Variants in CALY observed in about 807,000 individuals in gnomAD.
CALY encodes the protein neuron-specific vesicular protein calcyon.
A neutral mutation model predicts 20.2 loss-of-function variants in CALY; 15 were observed. The ratio of observed to expected loss-of-function variants is 0.74; its 90% CI spans 0.50 to 1.14. CALY has a LOEUF of 1.14. CALY is among the 50% of genes most tolerant of loss of function. The pLI, the probability that CALY is intolerant of heterozygous loss-of-function variation, is 0.00. For synonymous variants in CALY, 129 were observed against 131.8 expected (o/e 0.98, Z 0.15); for missense variants, 270 against 304.4 (o/e 0.89, Z 0.84).
intron 3 of CALY, chr10:133,327,533 G>A (rs532565047): frequency 2.5e-4 from 144 of 575,534 alleles, no homozygotes; most frequent in Middle Eastern, 1.3e-3. Context: ...TAAACAAGAG[G>A]ATGAGAGAAG....
intron 1 of CALY, 69 bp downstream of exon 1, chr10:133,336,765 G>GCGCCTCGCACCCC (rs1351411957): frequency 1.3e-5 from 2 of 152,608 alleles, no homozygotes; most frequent in Non-Finnish European, 2.9e-5. Flanking sequence ...ACCCGCACAC[G>GCGCCTCGCACCCC]CGCCTCGCAC....
At chr10:133,329,168 G>C (rs147278451) in intron 1 of CALY, among the ~76,000 whole-genome samples, 159 bp from the exon 2 acceptor site, 1 of 152,224 alleles carries the variant, frequency 6.6e-6, no homozygotes, top group Non-Finnish European at 1.5e-5. Context: ...TGGACAAACC[G>C]GTCAAATCCA....
At chr10:133,334,128 C>CTCAGATCGGAAGAGCACACG (rs1328745663) in intron 1 of CALY, among the ~76,000 whole-genome samples, 1 of 41,994 alleles carries the variant, frequency 2.4e-5, no homozygotes. Context: ...GGGGGGAAGG[C>CTCAGATCGGAAGAGCACACG]TCTGAGGGGG....
intron 1 of CALY, among the ~76,000 whole-genome samples, chr10:133,331,514 A>G (rs1848307592): frequency 1.3e-5 from 2 of 152,246 alleles, no homozygotes; most frequent in Non-Finnish European, 1.5e-5. Context: ...GAAGTACTCA[A>G]TTTAAATAAT....
At chr10:133,333,353 G>A (rs1848348696) in intron 1 of CALY, among the ~76,000 whole-genome samples, 1 of 133,258 alleles carries the variant, frequency 7.5e-6, no homozygotes, top group African/African-American at 2.8e-5. Context: ...CAACGGGGAA[G>A]GATTGCGCGG....
At chr10:133,335,388 C>A (rs771058067) in intron 1 of CALY, among the ~76,000 whole-genome samples, 11 of 152,202 alleles carry the variant, frequency 7.2e-5, no homozygotes, top group South Asian at 2.1e-4. Context: ...GCAGGACCCC[C>A]GCCAGGAGGA....
chr10:133,329,152 C>A (rs749222975), intron 1 of CALY, 143 bp from the exon 2 acceptor site: 124 of 678,684 alleles, frequency 1.8e-4, no homozygotes, highest in Non-Finnish European at 2.9e-4. Flanking sequence ...GTCAGGCCAG[C>A]CTCCTTGGAC....
In CALY at chr10:133,326,035, C is replaced by G; in HGVS notation, c.446G>C (p.Gly149Ala). The part of the protein sequence containing the change: ...ERHRSILAAI[G>A]AYPLSRKHGT... ...GTGCTTGCGGCTCAGCGGGTAGGCC[C>G]CGATGGCCGCCAGGATGCTGCGGTG... is the stretch of plus-strand genomic sequence containing the variant. Residue 149 changes from glycine (G) to alanine (A), a missense_variant, in exon 5 of 6, where the codon GGG (glycine) becomes GCG (alanine). Physicochemically the swap from Gly to Ala is moderately conservative, Grantham distance 60. Coordinates refer to ENST00000252939, the MANE Select transcript of CALY (RefSeq NM_015722.4). 6.3e-7 allele frequency: 1 copy of G among 1,591,398 alleles called. No individual in the cohort carries two copies. The highest frequency in any genetic ancestry group is 8.6e-7 in the Non-Finnish European group (1 of 1,169,316).
chr10:133,329,392 C>CTTCTTTTTT (rs549430070), intron 1 of CALY, among the ~76,000 whole-genome samples: 3 of 137,458 alleles, frequency 2.2e-5, no homozygotes, highest in South Asian at 4.6e-4. Flanking sequence ...TCTTCTTCTT[C>CTTCTTTTTT]TTTTTTTTTT....
chr10:133,328,242 T>C (rs1848246702), intron 2 of CALY, among the ~76,000 whole-genome samples: 1 of 152,232 alleles, frequency 6.6e-6, no homozygotes, highest in Non-Finnish European at 1.5e-5. Flanking sequence ...GCTCTGGGCC[T>C]GGCTGGGCTG....
At position 133,327,944 on chromosome 10, in the gene CALY, G is replaced by A; in HGVS notation, c.207C>T (p.Gly69=). ...PDQQNFPDLE[G]QRLNCSHPEE... ...CTGGGTGGCTGCAGTTCAGCCTCTG[G>A]CCCTCCAGGTCAGGGAAATTCTGCT... The change falls in exon 3 of 6, where the codon GGC becomes GGT. Residue 69 remains glycine (G), a synonymous_variant. Transcript: ENST00000252939. 1 of 1,613,064 alleles carries A rather than the reference G, an allele frequency of 6.2e-7. No homozygotes were observed. The highest frequency in any genetic ancestry group is 8.5e-7 in the Non-Finnish European group (1 of 1,179,554).
intron 1 of CALY, among the ~76,000 whole-genome samples, chr10:133,336,322 C>A (rs1192694020): frequency 6.6e-6 from 1 of 152,166 alleles, no homozygotes; most frequent in East Asian, 1.9e-4. Context: ...GGCCTCCTGG[C>A]CACCTCTTGC....
chr10:133,326,338 AG>A lies in CALY; in HGVS notation c.361-219del. 3.5e-6 allele frequency: 5 copies of A among 1,430,896 alleles called. No homozygotes were observed. In the South Asian group the frequency reaches 4.9e-5, roughly 14 times the overall value. 88.6% of individuals were successfully genotyped at this position (1,430,896 alleles called of 1,614,324 possible). On this transcript the variant is annotated intron_variant, in intron 4 of 5. Coordinates refer to ENST00000252939, the MANE Select transcript of CALY (RefSeq NM_015722.4). ...GTAAGGGGAGGGGCCACCCAGGGAG[AG>A]GGGCGCAGACACCAGTGGACCTGCC...
chr10:133,331,601 A>G (rs954890456), intron 1 of CALY, among the ~76,000 whole-genome samples: 15 of 152,216 alleles, frequency 9.9e-5, no homozygotes, highest in Non-Finnish European at 2.1e-4. Flanking sequence ...TTCACATGGA[A>G]TCCAGGAAAC....
chr10:133,328,783 C>T, intron 2 of CALY, 72 bp downstream of exon 2: 1 of 1,442,108 alleles, frequency 6.9e-7, no homozygotes, highest in Non-Finnish European at 9.2e-7. Context: ...CATATCTAGA[C>T]AAACCTCACC....
chr10:133,334,774 G>A (rs1219914573), intron 1 of CALY, among the ~76,000 whole-genome samples: 3 of 152,024 alleles, frequency 2.0e-5, no homozygotes, highest in Non-Finnish European at 4.4e-5. Context: ...GCTAGGCGAG[G>A]GGAGACAGGG....
At chr10:133,336,007 C>A (rs1485355358) in intron 1 of CALY, among the ~76,000 whole-genome samples, 1 of 152,152 alleles carries the variant, frequency 6.6e-6, no homozygotes, top group African/African-American at 2.4e-5. Flanking sequence ...ATGCGCCCCC[C>A]CCAACCATGG....
chr10:133,333,508 G>T (rs1848356987), intron 1 of CALY, among the ~76,000 whole-genome samples: 2 of 150,936 alleles, frequency 1.3e-5, no homozygotes, highest in African/African-American at 4.9e-5. Context: ...GCAGGGGGAG[G>T]GATCCGAGGG....
At chr10:133,325,746 G>A in intron 5 of CALY, 53 bp downstream of exon 5, 2 of 810,116 alleles carry the variant, frequency 2.5e-6, no homozygotes, top group Non-Finnish European at 3.3e-6. Flanking sequence ...GGTGGCGGGA[G>A]GCCAGGAAGA....
Sources: allele counts gnomAD v4.1 joint callset (sites outside exome capture counted in the v4.1 genomes callset), GRCh38; gene constraint gnomAD v4.1.1; transcripts MANE v1.5; gene names NCBI Gene and HGNC (gene_info 2026-07-23, HGNC 2026-07-21).